The following CNTN6 variants were observed in gnomAD, a reference collection of about 807,000 sequenced individuals.
The protein encoded by CNTN6 is contactin 6.
CNTN6 carries 137 observed loss-of-function variants against 122.8 expected under a neutral mutation model. The ratio of observed to expected loss-of-function variants is 1.12; its 90% CI spans 0.97 to 1.29. The LOEUF (loss-of-function observed/expected upper bound fraction) is 1.29, where lower values mean the gene tolerates loss of function less well. CNTN6 is among the 50% of genes most tolerant of loss of function. The pLI is 0.00. For missense variants in CNTN6, 1,634 were observed against 1,223.4 expected (o/e 1.34, Z -5.01); for synonymous variants, 570 against 426.0 (o/e 1.34, Z -4.16).
chr3:1,111,999 A>G (rs952774579), intron 1 of CNTN6, among the ~76,000 whole-genome samples: 2 of 152,166 alleles, frequency 1.3e-5, no homozygotes, highest in Non-Finnish European at 2.9e-5. Context: ...AAATGGAACT[A>G]TTATGTAGTT....
intron 13 of CNTN6, 26 bp downstream of exon 13, chr3:1,372,500 T>C (rs1426715320): frequency 8.4e-6 from 13 of 1,556,490 alleles, no homozygotes; most frequent in African/African-American, 1.4e-5. Flanking sequence ...TGTTAAGTGC[T>C]TAATAAAATG....
chr3:1,319,386 A>G (rs1187353260), intron 7 of CNTN6, among the ~76,000 whole-genome samples: 1 of 151,820 alleles, frequency 6.6e-6, no homozygotes, highest in East Asian at 2.0e-4. Context: ...CGTATTGTAC[A>G]GATACATAGT....
intron 20 of CNTN6, among the ~76,000 whole-genome samples, chr3:1,398,206 TTG>T (rs1695225831): frequency 2.6e-5 from 4 of 152,280 alleles, no homozygotes; most frequent in African/African-American, 9.6e-5. Flanking sequence ...TCATAGATAT[TTG>T]CAATCCAGTT....
chr3:1,220,888 T>G, intron 3 of CNTN6, 75 bp downstream of exon 3: 1 of 1,456,064 alleles, frequency 6.9e-7, no homozygotes, highest in Non-Finnish European at 9.2e-7. Context: ...AATAAAGTGT[T>G]TTATAAAATG....
rs1169127167 is a variant in CNTN6, at chr3:1,098,789, C to CATATATATATATATATATATAT, written c.-83+5677_-83+5698dup. 1.2e-3 allele frequency among the ~76,000 whole-genome samples: 77 copies of CATATATATATATATATATATAT among 63,208 alleles called. 1 individual carries two copies. Among genetic ancestry groups the CATATATATATATATATATATAT allele is most frequent in the Admixed American group, 1.6e-3 (8 of 4,908 alleles). The allele number at this position is 63,208 out of a possible 152,430, so 41.5% of individuals were successfully genotyped here. ...ACACACACACACACACACACACACA[C>CATATATATATATATATATATAT]ATATATATATATATATATATATATA... On this transcript the variant is annotated intron_variant, in intron 1 of 22. Transcript: ENST00000446702.
At chr3:1,403,050 G>A (rs1277282582) in intron 22 of CNTN6, among the ~76,000 whole-genome samples, 2 of 152,118 alleles carry the variant, frequency 1.3e-5, no homozygotes, top group African/African-American at 4.8e-5. Context: ...TTGAGTGCAA[G>A]TCATTAGCAT....
intron 4 of CNTN6, among the ~76,000 whole-genome samples, chr3:1,245,775 A>G (rs753440849): frequency 3.9e-5 from 6 of 152,160 alleles, no homozygotes; most frequent in African/African-American, 1.2e-4. Context: ...CAAATAATAA[A>G]GAGTTTTGAT....
At chr3:1,124,915 T>A (rs2092104707) in intron 1 of CNTN6, among the ~76,000 whole-genome samples, 1 of 151,896 alleles carries the variant, frequency 6.6e-6, no homozygotes, top group South Asian at 2.1e-4. Context: ...TTCTACAAGG[T>A]CTGGGAGGGT....
At chr3:1,276,546 C>A (rs568117799) in intron 4 of CNTN6, among the ~76,000 whole-genome samples, 1 of 152,250 alleles carries the variant, frequency 6.6e-6, no homozygotes, top group Admixed American at 6.5e-5. Flanking sequence ...TGAAACCTTG[C>A]CCATTATGCA....
intron 2 of CNTN6, among the ~76,000 whole-genome samples, chr3:1,192,072 G>A (rs181077544): frequency 6.6e-6 from 1 of 152,120 alleles, no homozygotes; most frequent in East Asian, 1.9e-4. Flanking sequence ...AATCTGCCTC[G>A]TCCTTTTGAT....
At chr3:1,388,526 G>A (rs544014977) in intron 20 of CNTN6, among the ~76,000 whole-genome samples, 2,249 of 151,298 alleles carry the variant, frequency 0.015, 35 homozygotes, top group South Asian at 0.042. Flanking sequence ...CCAAGGGAAC[G>A]CAGTTCCTCA....
chr3:1,299,676 C>T (rs1261182657), intron 7 of CNTN6, among the ~76,000 whole-genome samples: 1 of 152,134 alleles, frequency 6.6e-6, no homozygotes, highest in Non-Finnish European at 1.5e-5. Context: ...GCAATTCAAA[C>T]CCAGGCCCAC....
chr3:1,280,220 A>G (rs570504568), intron 5 of CNTN6, among the ~76,000 whole-genome samples: 1 of 152,232 alleles, frequency 6.6e-6, no homozygotes, highest in South Asian at 2.1e-4. Context: ...TCCATATGTA[A>G]AAAAATTTAA....
intron 1 of CNTN6, among the ~76,000 whole-genome samples, chr3:1,144,306 T>C (rs2092677812): frequency 6.6e-6 from 1 of 152,148 alleles, no homozygotes; most frequent in Admixed American, 6.6e-5. Flanking sequence ...CTGGGCACTG[T>C]GGCTCACACC....
In CNTN6 at chr3:1,325,885, T is replaced by C; in HGVS notation, c.1017T>C (p.Cys339=). Residue 339 remains cysteine, a synonymous_variant, in exon 9 of 23, where the codon TGT becomes TGC. Transcript: ENST00000446702. ...TCTATGACAACTTGCTCTGGGAATGTAAAGCTAGTGGAAAGCCAAACCCTT... is the reference window on the plus strand; with the variant it reads ...TCTATGACAACTTGCTCTGGGAATGCAAAGCTAGTGGAAAGCCAAACCCTT... ...LSIYDNLLWE[C]KASGKPNPWY... is the part of the protein sequence containing the mutation. 6.2e-7 allele frequency: 1 copy of C among 1,611,898 alleles called. No individual in the cohort carries two copies. The highest frequency in any genetic ancestry group is 1.7e-5 in the Admixed American group (1 of 59,806).
At chr3:1,102,408 A>G (rs937128443) in intron 1 of CNTN6, among the ~76,000 whole-genome samples, 3 of 152,202 alleles carry the variant, frequency 2.0e-5, no homozygotes, top group Non-Finnish European at 4.4e-5. Flanking sequence ...TGTGCCGCTA[A>G]TTTTCTATCA....
At chr3:1,307,690 C>G (rs988778986) in intron 7 of CNTN6, among the ~76,000 whole-genome samples, 3 of 152,104 alleles carry the variant, frequency 2.0e-5, no homozygotes, top group Non-Finnish European at 4.4e-5. Flanking sequence ...GTAGCAGAAT[C>G]TCAGACATTT....
At chr3:1,345,603 TTAAC>T (rs202234025) in intron 11 of CNTN6, among the ~76,000 whole-genome samples, 71 of 152,312 alleles carry the variant, frequency 4.7e-4, no homozygotes, top group African/African-American at 1.7e-3. Context: ...ATATTACACA[TTAAC>T]TATAATAATT....
At chr3:1,185,351 A>C (rs1316719489) in intron 2 of CNTN6, among the ~76,000 whole-genome samples, 1 of 152,184 alleles carries the variant, frequency 6.6e-6, no homozygotes, top group Non-Finnish European at 1.5e-5. Flanking sequence ...GATGTTTCTA[A>C]AATATGTGAA....
Sources: gnomAD v4.1 joint callset for allele counts (sites outside exome capture counted in the v4.1 genomes callset) on GRCh38, gnomAD v4.1.1 for gene constraint, MANE v1.5 for transcripts, NCBI Gene and HGNC (gene_info 2026-07-23, HGNC 2026-07-21) for gene names.